The following NFASC variants were observed in gnomAD, a reference collection of about 807,000 sequenced individuals.
NFASC encodes the protein neurofascin homolog.
Under a neutral mutation model 147.5 loss-of-function variants are expected in NFASC, and 43 were observed. The ratio of observed to expected loss-of-function variants is 0.29; its 90% CI spans 0.23 to 0.38. The LOEUF is 0.38. Ranked by LOEUF, NFASC falls within the 10% of genes least tolerant of loss-of-function variation. The pLI is 1.00. For synonymous variants in NFASC, 622 were observed against 665.5 expected (o/e 0.93, Z 1.01); for missense variants, 1,320 against 1,689.0 (o/e 0.78, Z 3.83).
chr1:205,003,515 C>A (rs2794864), intron 27 of NFASC, among the ~76,000 whole-genome samples: 2 of 152,100 alleles, frequency 1.3e-5, no homozygotes, highest in Non-Finnish European at 2.9e-5. Flanking sequence ...CAGGGCACTC[C>A]CTGGTCTGAG....
At chr1:204,831,937 G>A (rs1326396842) in intron 1 of NFASC, among the ~76,000 whole-genome samples, 1 of 152,166 alleles carries the variant, frequency 6.6e-6, no homozygotes, top group Non-Finnish European at 1.5e-5. Flanking sequence ...ATCCGGATAG[G>A]GATGTTACAC....
At chr1:204,980,534 A>T (rs2095492114) in intron 20 of NFASC, 94 bp downstream of exon 20, 2 of 947,720 alleles carry the variant, frequency 2.1e-6, no homozygotes, top group African/African-American at 3.3e-5. Flanking sequence ...CGAGGCCATG[A>T]TGTGGTTCAG....
intron 2 of NFASC, among the ~76,000 whole-genome samples, chr1:204,930,709 G>A (rs1031503572): frequency 6.6e-6 from 1 of 152,258 alleles, no homozygotes. Context: ...CAGCAACCCT[G>A]TTGTGGAGGG....
chr1:204,994,422 C>T (rs965789634), intron 24 of NFASC, among the ~76,000 whole-genome samples: 2 of 152,190 alleles, frequency 1.3e-5, no homozygotes, highest in Non-Finnish European at 2.9e-5. Context: ...CCCAGCTACT[C>T]ACTGGAACAT....
intron 11 of NFASC, 79 bp from the exon 12 acceptor site, chr1:204,973,197 G>GA (rs2095309685): frequency 6.6e-7 from 1 of 1,516,416 alleles, no homozygotes; most frequent in Non-Finnish European, 9.0e-7. Context: ...TTGTTCCTGG[G>GA]AGCCCTGGCC....
At chr1:204,937,427 G>GC (rs2092960642) in intron 2 of NFASC, among the ~76,000 whole-genome samples, 3 of 152,154 alleles carry the variant, frequency 2.0e-5, no homozygotes, top group African/African-American at 7.2e-5. Flanking sequence ...AAGTTTCACT[G>GC]CCCTAAACAC....
chr1:204,931,699 A>G (rs897796598), intron 2 of NFASC, among the ~76,000 whole-genome samples: 5 of 152,050 alleles, frequency 3.3e-5, no homozygotes, highest in Non-Finnish European at 7.4e-5. Flanking sequence ...AACTGAATAT[A>G]TTCTGTTCCA....
chr1:204,877,019 TATATATATAATA>T (rs1558548083), intron 1 of NFASC, among the ~76,000 whole-genome samples: 13 of 108,160 alleles, frequency 1.2e-4, no homozygotes, highest in African/African-American at 1.8e-4. Context: ...TATATATATA[TATATATATAATA>T]TATATTTATA....
At chr1:204,959,264 T>C (rs1035750879) in intron 8 of NFASC, among the ~76,000 whole-genome samples, 1 of 152,144 alleles carries the variant, frequency 6.6e-6, no homozygotes, top group African/African-American at 2.4e-5. Flanking sequence ...CTGCCAAAGG[T>C]GGTAGCCGGC....
chr1:204,976,398 G>A (rs769337488), intron 15 of NFASC, among the ~76,000 whole-genome samples: 3 of 152,214 alleles, frequency 2.0e-5, no homozygotes, highest in Non-Finnish European at 2.9e-5. Context: ...AAGGCACAGA[G>A]GCAGGCACAC....
intron 4 of NFASC, among the ~76,000 whole-genome samples, chr1:204,951,136 C>T (rs188026357): frequency 2.3e-3 from 348 of 149,712 alleles, no homozygotes; most frequent in Middle Eastern, 0.011. Flanking sequence ...AGTTTCTCCT[C>T]GGGATGCTAT....
intron 1 of NFASC, among the ~76,000 whole-genome samples, chr1:204,905,597 A>G (rs561002187): frequency 7.9e-5 from 12 of 152,122 alleles, no homozygotes; most frequent in Admixed American, 2.0e-4. Context: ...CTCTTTGCTT[A>G]CATTATCTTA....
chr1:205,016,695 G>C lies in NFASC; in HGVS notation c.*156G>C. 1 of 698,612 alleles carries C rather than the reference G, an allele frequency of 1.4e-6. No individual in the cohort carries two copies. Among genetic ancestry groups the C allele is most frequent in the Non-Finnish European group, 2.6e-6 (1 of 384,782 alleles). The allele number at this position is 698,612 out of a possible 1,614,324, so 43.3% of individuals were successfully genotyped here. A position where few individuals can be genotyped will look rare whatever the true frequency, so the allele number is the denominator to read the frequency against. On this transcript the variant is annotated 3_prime_UTR_variant, in exon 30 of 30. Coordinates refer to ENST00000339876, the MANE Select transcript of NFASC (RefSeq NM_001005388.3). This position sits in a 1 kb window ranked among gnomAD's most constrained non-coding sequence, Gnocchi z 5.1. ...AGCTGTGAGGACCAGTAGCCACCAA[G>C]CCACCCACAAGCCCCCTCCCAATGA... is the stretch of plus-strand genomic sequence containing the variant.
chr1:204,967,954 A>ATT, intron 8 of NFASC: 1 of 241,070 alleles, frequency 4.1e-6, no homozygotes, highest in Non-Finnish European at 8.0e-6. Context: ...CGCACTGCTC[A>ATT]GACAGCCCCT....
chr1:204,866,835 C>T (rs1291296381), intron 1 of NFASC, among the ~76,000 whole-genome samples: 1 of 152,102 alleles, frequency 6.6e-6, no homozygotes, highest in African/African-American at 2.4e-5. Context: ...ACATAATGTC[C>T]TTTGGAAGCC....
intron 1 of NFASC, among the ~76,000 whole-genome samples, chr1:204,906,844 C>T (rs558456699): frequency 2.8e-4 from 43 of 152,186 alleles, no homozygotes; most frequent in Middle Eastern, 3.4e-3. Context: ...CCACCCTGCC[C>T]GGCTAATTTT....
chr1:204,866,454 G>C (rs1458555048), intron 1 of NFASC, among the ~76,000 whole-genome samples: 1 of 152,210 alleles, frequency 6.6e-6, no homozygotes, highest in Non-Finnish European at 1.5e-5. Context: ...TTAAGAAGCT[G>C]GCAGACCTGT....
Position 204,987,352 on chromosome 1 carries a change from T to G in NFASC, c.2471-66T>G. 1 of 1,489,786 alleles carries G rather than the reference T, an allele frequency of 6.7e-7. No homozygotes were observed. The highest frequency in any genetic ancestry group is 9.2e-7 in the Non-Finnish European group (1 of 1,085,126). The allele number at this position is 1,489,786 out of a possible 1,614,324, so 92.3% of individuals were successfully genotyped here. On this transcript the variant is annotated intron_variant, in intron 21 of 29. Coordinates refer to ENST00000339876, the MANE Select transcript of NFASC (RefSeq NM_001005388.3). This position sits in a 1 kb window ranked among gnomAD's most constrained non-coding sequence, Gnocchi z 4.4. The stretch of plus-strand genomic sequence containing the variant: ...TGCCTTCATACTTGTGCTTTGTTTT[T>G]TGTGTTTTCCTCATCCTCCCTGCCC...
chr1:204,978,009 TC>T (rs2095441296), intron 17 of NFASC, among the ~76,000 whole-genome samples: 1 of 152,214 alleles, frequency 6.6e-6, no homozygotes, highest in Non-Finnish European at 1.5e-5. Context: ...TGGCCTGTCC[TC>T]CCAGCAGTCT....
Sources: allele counts gnomAD v4.1 joint callset (sites outside exome capture counted in the v4.1 genomes callset), GRCh38; gene constraint gnomAD v4.1.1; non-coding constraint Gnocchi (gnomAD v3.1); transcripts MANE v1.5; gene names NCBI Gene and HGNC (gene_info 2026-07-23, HGNC 2026-07-21).